Variants in ZNF148 observed in about 807,000 individuals in gnomAD.
ZNF148 encodes the protein zinc finger protein 148.
Under a neutral mutation model 67.7 loss-of-function variants are expected in ZNF148, and 7 were observed. The observed-to-expected ratio is 0.10, with a 90% CI of 0.06 to 0.19. The LOEUF is 0.19. Among genes scored for constraint, ZNF148 ranks in the 10% least tolerant of loss-of-function variants. The pLI, the probability that ZNF148 is intolerant of heterozygous loss-of-function variation, is 1.00. For synonymous variants in ZNF148, 333 were observed against 330.7 expected (o/e 1.01, Z -0.08); for missense variants, 583 against 947.1 (o/e 0.62, Z 5.05).
chr3:125,299,434 G>A (rs2107646752), intron 4 of ZNF148, among the ~76,000 whole-genome samples: 1 of 152,322 alleles, frequency 6.6e-6, no homozygotes, highest in East Asian at 1.9e-4. Context: ...AGAGGCTGAG[G>A]CAAAAGACTG....
chr3:125,335,234 G>A (rs1941443036), intron 1 of ZNF148, among the ~76,000 whole-genome samples: 1 of 152,258 alleles, frequency 6.6e-6, no homozygotes, highest in Admixed American at 6.5e-5. Flanking sequence ...GCCTAAAACA[G>A]TGCCTTACAC....
intron 7 of ZNF148, among the ~76,000 whole-genome samples, chr3:125,261,087 C>A (rs1357943224): frequency 1.3e-5 from 2 of 152,122 alleles, no homozygotes; most frequent in Admixed American, 6.5e-5. Context: ...GACTGACAAG[C>A]TTTTAAAAGG....
chr3:125,313,528 A>T lies in ZNF148; in HGVS notation c.113T>A (p.Val38Glu). ...TACTGAATCCTGTAGCTCTCCAGAC[A>T]CAGTAGACTGGCCAGACACTCCACC... ...VMGGVSGQST[V>E]SGELQDSVLQ... Residue 38 changes from valine (V) to glutamate (E), a missense_variant, in exon 4 of 9, where the codon GTG becomes GAG. Transcript: ENST00000360647. 2 of 1,614,176 alleles carry T rather than the reference A, an allele frequency of 1.2e-6. No individual in the cohort carries two copies. Among genetic ancestry groups the T allele is most frequent in the Non-Finnish European group, 1.7e-6 (2 of 1,180,018 alleles).
chr3:125,234,479 G>A, intron 7 of ZNF148, 150 bp from the exon 8 acceptor site: 1 of 600,982 alleles, frequency 1.7e-6, no homozygotes, highest in South Asian at 2.2e-5. Flanking sequence ...AAAATGAAAA[G>A]GATTAGCATA....
chr3:125,300,107 G>T (rs1403477731), intron 4 of ZNF148, among the ~76,000 whole-genome samples: 1 of 152,000 alleles, frequency 6.6e-6, no homozygotes, highest in Non-Finnish European at 1.5e-5. Flanking sequence ...GAGTAGCTGG[G>T]ATTACAGGCG....
chr3:125,353,308 A>C (rs1238771344), intron 1 of ZNF148, among the ~76,000 whole-genome samples: 1 of 152,094 alleles, frequency 6.6e-6, no homozygotes, highest in Non-Finnish European at 1.5e-5. Context: ...GGGAACATAA[A>C]GGGATAGCAA....
intron 4 of ZNF148, among the ~76,000 whole-genome samples, chr3:125,308,790 TACA>T (rs1391231393): frequency 6.6e-6 from 1 of 152,176 alleles, no homozygotes; most frequent in East Asian, 1.9e-4. Flanking sequence ...AAAAGACTTG[TACA>T]ACAATTTTCC....
intron 1 of ZNF148, among the ~76,000 whole-genome samples, chr3:125,331,616 T>C (rs1333295993): frequency 6.6e-6 from 1 of 152,210 alleles, no homozygotes; most frequent in Non-Finnish European, 1.5e-5. Context: ...CCAACACTCA[T>C]ATAGCACTAT....
intron 3 of ZNF148, among the ~76,000 whole-genome samples, chr3:125,320,236 T>C (rs529504574): frequency 3.9e-5 from 6 of 152,268 alleles, no homozygotes; most frequent in African/African-American, 1.4e-4. Context: ...AATTGAAAAT[T>C]TAAAAATAAT....
intron 4 of ZNF148, among the ~76,000 whole-genome samples, chr3:125,299,386 C>A (rs994127695): frequency 1.3e-5 from 2 of 152,076 alleles, no homozygotes; most frequent in Non-Finnish European, 2.9e-5. Context: ...AGCTGGAAAC[C>A]GGCTGTGGTG....
chr3:125,233,722 T>G lies in ZNF148; in HGVS notation c.1004A>C (p.Lys335Thr). The G allele has an allele frequency of 1.2e-6, 2 of 1,613,908 alleles. No homozygotes were observed. Among genetic ancestry groups the G allele is most frequent in the Non-Finnish European group, 1.7e-6 (2 of 1,179,882 alleles). ...ATTTTTGTCTTTTTTCAGGTCAGATTTGTCCAAAGCACTCTCTTTGTCCAT... is the reference window on the plus strand; with the variant it reads ...ATTTTTGTCTTTTTTCAGGTCAGATGTGTCCAAAGCACTCTCTTTGTCCAT... Reference protein sequence around the residue: ...SGMDKESALDKSDLKKDKNDY... With the variant: ...SGMDKESALDTSDLKKDKNDY... Residue 335 changes from lysine (K) to threonine (T), a missense_variant, in exon 9 of 9, where the codon AAA becomes ACA. This residue lies in a region of ZNF148 where 78 missense variants were observed against 86.5 expected (regional missense o/e 0.90). Transcript: ENST00000360647. This position sits in a 1 kb window ranked among gnomAD's most constrained non-coding sequence, Gnocchi z 5.1.
At chr3:125,360,298 A>AT (rs897760856) in intron 1 of ZNF148, among the ~76,000 whole-genome samples, 2 of 150,090 alleles carry the variant, frequency 1.3e-5, no homozygotes, top group African/African-American at 4.9e-5. Context: ...TATTTTTTTG[A>AT]TTTTTTTAGA....
At chr3:125,348,874 C>T (rs867513469) in intron 1 of ZNF148, among the ~76,000 whole-genome samples, 7 of 152,058 alleles carry the variant, frequency 4.6e-5, no homozygotes, top group Admixed American at 1.3e-4. Flanking sequence ...ATGGTACTGG[C>T]ATAAAAACAA....
intron 2 of ZNF148, among the ~76,000 whole-genome samples, chr3:125,325,464 C>T (rs4679383): frequency 0.78 from 117,967 of 151,900 alleles, 46,405 homozygotes; most frequent in African/African-American, 0.87. Context: ...ACTTGCCAAA[C>T]TTACTTTTAC....
At chr3:125,295,362 A>C (rs887492021) in intron 4 of ZNF148, among the ~76,000 whole-genome samples, 1 of 152,126 alleles carries the variant, frequency 6.6e-6, no homozygotes, top group Non-Finnish European at 1.5e-5. Flanking sequence ...CTGAGGCAGG[A>C]AAATAGCTTG....
intron 3 of ZNF148, among the ~76,000 whole-genome samples, chr3:125,321,835 TAA>T (rs933900012): frequency 6.6e-6 from 1 of 152,048 alleles, no homozygotes; most frequent in Admixed American, 6.6e-5. Flanking sequence ...AAAAACTTCT[TAA>T]AACAAAATTT....
At chr3:125,321,078 A>G (rs1158559777) in intron 3 of ZNF148, among the ~76,000 whole-genome samples, 2 of 152,196 alleles carry the variant, frequency 1.3e-5, no homozygotes, top group Admixed American at 6.5e-5. Flanking sequence ...AAACTACTTC[A>G]TCTCTTATTA....
intron 4 of ZNF148, among the ~76,000 whole-genome samples, chr3:125,305,881 C>T (rs952184107): frequency 1.3e-5 from 2 of 151,702 alleles, no homozygotes; most frequent in Non-Finnish European, 2.9e-5. Flanking sequence ...CCAACAATAG[C>T]CAGAATACAC....
chr3:125,280,758 C>CAAAAAA (rs1299591282), intron 5 of ZNF148, among the ~76,000 whole-genome samples: 2 of 93,504 alleles, frequency 2.1e-5, no homozygotes, highest in Admixed American at 1.3e-4. Context: ...TTGACGAAAG[C>CAAAAAA]AAAAAAAAAA....
Sources: gnomAD v4.1 joint callset for allele counts (sites outside exome capture counted in the v4.1 genomes callset) on GRCh38, gnomAD v4.1.1 for gene constraint, gnomAD v4.1.1 regional missense constraint, Gnocchi (gnomAD v3.1) non-coding constraint, MANE v1.5 for transcripts, NCBI Gene and HGNC (gene_info 2026-07-23, HGNC 2026-07-21) for gene names.